SLC36A3: variants seen among roughly 807,000 people sequenced by gnomAD.
SLC36A3 encodes solute carrier family 36 member 3.
A neutral mutation model predicts 44.3 loss-of-function variants in SLC36A3; 35 were observed. The observed-to-expected ratio is 0.79, with a 90% CI of 0.60 to 1.05. The LOEUF (loss-of-function observed/expected upper bound fraction) is 1.05, where lower values mean the gene tolerates loss of function less well. Ranked by LOEUF, SLC36A3 falls within the 50% of genes least tolerant of loss-of-function variation. The pLI is 0.00. For synonymous variants in SLC36A3, 211 were observed against 227.6 expected, an observed-to-expected ratio of 0.93 and a Z score of 0.66; for missense variants, 540 against 578.7, an observed-to-expected ratio of 0.93 and a Z score of 0.69.
intron 9 of SLC36A3, among the ~76,000 whole-genome samples, chr5:151,278,993 C>T (rs1754207781): frequency 6.6e-6 from 1 of 152,238 alleles, no homozygotes; most frequent in Non-Finnish European, 1.5e-5. Flanking sequence ...CTCCTCAGCA[C>T]AATGACCCTT....
At chr5:151,302,163 T>TG (rs1755182827) in intron 1 of SLC36A3, among the ~76,000 whole-genome samples, 1 of 152,274 alleles carries the variant, frequency 6.6e-6, no homozygotes, top group African/African-American at 2.4e-5. Context: ...AGACAGCATT[T>TG]GCCAAATAAA....
intron 3 of SLC36A3, among the ~76,000 whole-genome samples, chr5:151,293,794 G>C (rs1389212006): frequency 6.6e-6 from 1 of 152,192 alleles, no homozygotes; most frequent in African/African-American, 2.4e-5. Context: ...GTGTGGGTGT[G>C]GCCAGGCCAG....
intron 3 of SLC36A3, among the ~76,000 whole-genome samples, chr5:151,295,879 A>C (rs1754940939): frequency 6.6e-6 from 1 of 152,180 alleles, no homozygotes; most frequent in African/African-American, 2.4e-5. Flanking sequence ...AAATAAATAG[A>C]GTAATTTATA....
chr5:151,302,872 CAG>C (rs2127276006), intron 1 of SLC36A3, among the ~76,000 whole-genome samples: 1 of 149,822 alleles, frequency 6.7e-6, no homozygotes, highest in South Asian at 2.1e-4. Context: ...GGAGAAGAGG[CAG>C]AGAGAATAAT....
intron 1 of SLC36A3, 56 bp from the exon 2 acceptor site, chr5:151,298,739 C>A: frequency 6.4e-7 from 1 of 1,574,796 alleles, no homozygotes; most frequent in Non-Finnish European, 8.7e-7. Flanking sequence ...GGAAGCATGG[C>A]CAGAAACTCA....
chr5:151,279,974 G>A (rs190162297), intron 9 of SLC36A3, among the ~76,000 whole-genome samples: 1 of 152,232 alleles, frequency 6.6e-6, no homozygotes, highest in East Asian at 1.9e-4. Flanking sequence ...AACATCCCTT[G>A]TTGTTTTGCT....
intron 2 of SLC36A3, chr5:151,297,378 G>A (rs1329596205): frequency 6.6e-6 from 1 of 152,216 alleles, no homozygotes; most frequent in Non-Finnish European, 1.5e-5. Flanking sequence ...TTCCAAAGGG[G>A]AGAGTCCAGT....
At position 151,303,482 on chromosome 5, in the gene SLC36A3, C is replaced by G. The variant is rs1022399196; in HGVS notation, c.-128G>C. 1 of 1,053,652 alleles carries G rather than the reference C, an allele frequency of 9.5e-7. No individual in the cohort carries two copies. Among genetic ancestry groups the G allele is most frequent in the Non-Finnish European group, 1.4e-6 (1 of 732,438 alleles). 65.3% of individuals were successfully genotyped at this position (1,053,652 alleles called of 1,614,324 possible). A position where few individuals can be genotyped will look rare whatever the true frequency, so the allele number is the denominator to read the frequency against. On this transcript the variant is annotated 5_prime_UTR_variant, in exon 1 of 10. Coordinates refer to ENST00000335230, the MANE Select transcript of SLC36A3 (RefSeq NM_181774.4). Reference sequence around the variant, plus strand: ...TGGCTCCTAACCCCAAGGATGCGTGCTGCTGGCTGAAGCCTGAAGTGCATG... The same window carrying G: ...TGGCTCCTAACCCCAAGGATGCGTGGTGCTGGCTGAAGCCTGAAGTGCATG...
intron 1 of SLC36A3, among the ~76,000 whole-genome samples, 192 bp from the exon 2 acceptor site, chr5:151,298,875 T>G (rs1188149590): frequency 1.3e-5 from 2 of 152,156 alleles, no homozygotes; most frequent in Non-Finnish European, 2.9e-5. Flanking sequence ...TGGTGCTAGT[T>G]CAAGTGACTC....
At chr5:151,294,674 G>T (rs1243772308) in intron 3 of SLC36A3, among the ~76,000 whole-genome samples, 2 of 151,644 alleles carry the variant, frequency 1.3e-5, no homozygotes, top group Non-Finnish European at 2.9e-5. Flanking sequence ...TAGTTGCCCA[G>T]GCTGGAGTGC....
intron 1 of SLC36A3, among the ~76,000 whole-genome samples, chr5:151,300,924 T>C (rs1368028899): frequency 1.3e-5 from 2 of 152,238 alleles, no homozygotes; most frequent in Admixed American, 6.5e-5. Context: ...TCTGTATGAA[T>C]AAATGTGCTA....
At chr5:151,286,991 T>C (rs1754557981) in intron 6 of SLC36A3, among the ~76,000 whole-genome samples, 1 of 152,170 alleles carries the variant, frequency 6.6e-6, no homozygotes, top group South Asian at 2.1e-4. Flanking sequence ...ATTCAGTAAT[T>C]ATTTGTTGAA....
chr5:151,284,544 C>T (rs1754456913), intron 7 of SLC36A3, 69 bp downstream of exon 7: 1 of 1,165,796 alleles, frequency 8.6e-7, no homozygotes, highest in African/African-American at 1.6e-5. Flanking sequence ...TTTATTCAGA[C>T]ATCTGCAACT....
At chr5:151,295,356 G>A (rs1006050946) in intron 3 of SLC36A3, among the ~76,000 whole-genome samples, 8 of 152,208 alleles carry the variant, frequency 5.3e-5, no homozygotes, top group Non-Finnish European at 7.3e-5. Context: ...CACGATAACC[G>A]CAGTGTAATT....
chr5:151,284,683 A>G lies in SLC36A3; in HGVS notation c.737T>C (p.Leu246Ser), dbSNP rs770783779. The change falls in exon 7 of 10, where the codon TTG becomes TCG. Residue 246 changes from leucine (L) to serine (S), a missense_variant. Transcript: ENST00000335230. Reference protein sequence around the residue: ...EGIPYPSNLPLMANWKTFLLF... With the variant: ...EGIPYPSNLPSMANWKTFLLF... ...CAAGAAGGTCTTCCAGTTTGCCATC[A>G]AGGGTAGGTTGCTGGGATATGGAAT... 6.2e-7 allele frequency: 1 copy of G among 1,613,320 alleles called. No homozygotes were observed. The highest frequency in any genetic ancestry group is 1.3e-5 in the African/African-American group (1 of 74,908).
intron 3 of SLC36A3, among the ~76,000 whole-genome samples, chr5:151,293,710 CT>C (rs1210585940): frequency 1.3e-5 from 2 of 152,132 alleles, no homozygotes; most frequent in African/African-American, 4.8e-5. Flanking sequence ...TAAGCGGTAG[CT>C]GTGCATTGAC....
At chr5:151,278,346 A>G (rs1051003805) in intron 9 of SLC36A3, among the ~76,000 whole-genome samples, 1 of 152,198 alleles carries the variant, frequency 6.6e-6, no homozygotes, top group African/African-American at 2.4e-5. Context: ...CATCTCTTAT[A>G]CACATGATGA....
At chr5:151,296,300 C>T (rs781254843) in intron 2 of SLC36A3, 32 bp from the exon 3 acceptor site, 4 of 1,578,364 alleles carry the variant, frequency 2.5e-6, no homozygotes, top group South Asian at 1.1e-5. Context: ...GGGAAGTGAG[C>T]CAGAAATGAT....
chr5:151,277,490 C>T lies in SLC36A3; in HGVS notation c.1316G>A (p.Gly439Asp). The change falls in exon 10 of 10, where the codon GGC becomes GAC. Residue 439 changes from glycine (G) to aspartate (D), a missense_variant. By Grantham distance (94) the Gly-to-Asp change is moderately conservative. Coordinates refer to ENST00000335230, the MANE Select transcript of SLC36A3 (RefSeq NM_181774.4). ...IAKDIMISIV[G>D]LLGCIFGTYQ... is the part of the protein sequence containing the mutation. ...TGTCCCAAATATACACCCTAAAAGGCCCACGATGCTAATCATGATGTCCTT... is the reference window on the plus strand; with the variant it reads ...TGTCCCAAATATACACCCTAAAAGGTCCACGATGCTAATCATGATGTCCTT... The T allele has an allele frequency of 6.2e-7, 1 of 1,614,102 alleles. No homozygotes were observed. The highest frequency in any genetic ancestry group is 8.5e-7 in the Non-Finnish European group (1 of 1,180,020).
Sources: allele counts gnomAD v4.1 joint callset (sites outside exome capture counted in the v4.1 genomes callset), GRCh38; gene constraint gnomAD v4.1.1; transcripts MANE v1.5; gene names NCBI Gene and HGNC (gene_info 2026-07-23, HGNC 2026-07-21).